Variants in CDH13 observed in about 807,000 individuals in gnomAD.
CDH13 encodes cadherin-13.
In CDH13, 24 loss-of-function variants were observed where a neutral mutation model predicts 63.8. The ratio of observed to expected loss-of-function variants is 0.38; its 90% CI spans 0.27 to 0.53. CDH13 has a LOEUF of 0.53. Among genes scored for constraint, CDH13 ranks in the 20% least tolerant of loss-of-function variants. The probability of loss-of-function intolerance (pLI) is 0.85; values close to 1 mark genes in which losing one functional copy is unlikely to be tolerated. For missense variants in CDH13, 1,049 were observed against 903.1 expected (o/e 1.16, Z -2.07); for synonymous variants, 503 against 355.3 (o/e 1.42, Z -4.67).
At chr16:83,674,541 A>G (rs936523697) in intron 9 of CDH13, among the ~76,000 whole-genome samples, 1 of 152,370 alleles carries the variant, frequency 6.6e-6, no homozygotes, top group African/African-American at 2.4e-5. Flanking sequence ...GAGAAAGTCC[A>G]AATCTGGCCT....
intron 5 of CDH13, among the ~76,000 whole-genome samples, chr16:83,234,694 CATT>C (rs1267875454): frequency 6.6e-6 from 1 of 152,220 alleles, no homozygotes; most frequent in Admixed American, 6.5e-5. Flanking sequence ...GAACAAAACA[CATT>C]TGTAGCCCTA....
At chr16:82,803,507 A>AT (rs933709709) in intron 1 of CDH13, among the ~76,000 whole-genome samples, 2 of 151,974 alleles carry the variant, frequency 1.3e-5, no homozygotes, top group Non-Finnish European at 2.9e-5. Context: ...ATTCCTTACA[A>AT]TTTTTTCTGA....
intron 7 of CDH13, among the ~76,000 whole-genome samples, chr16:83,601,750 G>T (rs1907816738): frequency 6.6e-6 from 1 of 152,124 alleles, no homozygotes; most frequent in Non-Finnish European, 1.5e-5. Flanking sequence ...CTCATTTTCA[G>T]ATCAGCTTCC....
chr16:83,142,877 C>T (rs2036595328), intron 4 of CDH13, among the ~76,000 whole-genome samples: 1 of 152,118 alleles, frequency 6.6e-6, no homozygotes, highest in Non-Finnish European at 1.5e-5. Context: ...CCGAGGCGGG[C>T]AGATCACCTG....
At chr16:83,297,601 T>C (rs1401079250) in intron 5 of CDH13, among the ~76,000 whole-genome samples, 2 of 152,184 alleles carry the variant, frequency 1.3e-5, no homozygotes, top group Admixed American at 1.3e-4. Flanking sequence ...TCAGTGGTCT[T>C]TGTAGTTAGA....
intron 6 of CDH13, among the ~76,000 whole-genome samples, chr16:83,387,130 C>G (rs1271997747): frequency 6.6e-6 from 1 of 152,090 alleles, no homozygotes; most frequent in Non-Finnish European, 1.5e-5. Flanking sequence ...TTAGGTCAAC[C>G]AAGTTACAAT....
Position 83,562,173 on chromosome 16 carries a change from T to C in CDH13, c.961-40281T>C, listed in dbSNP as rs924812144. 2.6e-5 allele frequency among the ~76,000 whole-genome samples: 4 copies of C among 152,308 alleles called. 1 individual carries two copies. Among genetic ancestry groups the C allele is most frequent in the African/African-American group, 4.8e-5 (2 of 41,574 alleles). The stretch of plus-strand genomic sequence containing the variant: ...CTTGTTTTATTTGGAGGCTCTGACA[T>C]AGTGGAACTCTGGGTGCCAAAGGGA... On this transcript the variant is annotated intron_variant, in intron 7 of 13. Transcript: ENST00000567109.
intron 1 of CDH13, among the ~76,000 whole-genome samples, chr16:82,701,461 T>C (rs941434886): frequency 2.6e-5 from 4 of 152,166 alleles, no homozygotes; most frequent in Admixed American, 1.3e-4. Flanking sequence ...AGAAACCTAC[T>C]CCAGACTAGC....
chr16:83,607,549 A>G (rs976462703), intron 8 of CDH13, among the ~76,000 whole-genome samples: 2 of 152,202 alleles, frequency 1.3e-5, no homozygotes, highest in Non-Finnish European at 2.9e-5. Flanking sequence ...GGCACTCAAT[A>G]ACAGAGCATT....
At chr16:83,203,223 T>C (rs1018402931) in intron 4 of CDH13, among the ~76,000 whole-genome samples, 69 of 151,996 alleles carry the variant, frequency 4.5e-4, no homozygotes, top group African/African-American at 1.6e-3. Flanking sequence ...AAACCCCGTC[T>C]CAAAAAACAA....
At chr16:83,761,264 C>T (rs562376277) in intron 11 of CDH13, among the ~76,000 whole-genome samples, 50 of 152,236 alleles carry the variant, frequency 3.3e-4, no homozygotes, top group Non-Finnish European at 5.0e-4. Context: ...TAGAATCGTG[C>T]TTCATAATAA....
chr16:83,496,765 A>C (rs1378234204), intron 7 of CDH13, among the ~76,000 whole-genome samples: 2 of 152,242 alleles, frequency 1.3e-5, no homozygotes, highest in African/African-American at 2.4e-5. Flanking sequence ...TACTCATCTG[A>C]CAAAGGGCTA....
chr16:82,657,648 T>G (rs572094216), intron 1 of CDH13, among the ~76,000 whole-genome samples: 2 of 152,314 alleles, frequency 1.3e-5, no homozygotes, highest in Non-Finnish European at 2.9e-5. Context: ...ATGTACACAG[T>G]TTGCTAGATT....
At chr16:83,283,226 C>G (rs984810152) in intron 5 of CDH13, among the ~76,000 whole-genome samples, 1 of 152,128 alleles carries the variant, frequency 6.6e-6, no homozygotes, top group Non-Finnish European at 1.5e-5. Flanking sequence ...CTGGATGATA[C>G]CAATGGCCAG....
At chr16:82,964,698 G>A (rs888759127) in intron 2 of CDH13, among the ~76,000 whole-genome samples, 1 of 152,182 alleles carries the variant, frequency 6.6e-6, no homozygotes, top group Non-Finnish European at 1.5e-5. Context: ...GTCAGGTGTA[G>A]CCAGTGTAAT....
At chr16:83,521,242 C>T (rs1039709000) in intron 7 of CDH13, among the ~76,000 whole-genome samples, 4 of 152,046 alleles carry the variant, frequency 2.6e-5, no homozygotes, top group African/African-American at 9.7e-5. Context: ...AGGTTTCTTC[C>T]AGCTTTAAGG....
intron 7 of CDH13, among the ~76,000 whole-genome samples, chr16:83,548,392 C>G (rs994239719): frequency 6.6e-5 from 10 of 152,076 alleles, no homozygotes; most frequent in Admixed American, 5.2e-4. Flanking sequence ...AAGGATGTGG[C>G]TAAATATCCT....
intron 1 of CDH13, among the ~76,000 whole-genome samples, chr16:82,673,196 G>T (rs190113997): frequency 1.3e-3 from 191 of 151,926 alleles, no homozygotes; most frequent in African/African-American, 4.5e-3. Context: ...GAAGCCCCGG[G>T]TAGGAATTTG....
intron 6 of CDH13, among the ~76,000 whole-genome samples, chr16:83,447,100 T>TTTTTTTTTTTTTC (rs1313177028): frequency 1.1e-5 from 1 of 87,652 alleles, no homozygotes; most frequent in African/African-American, 6.9e-5. Context: ...AGTAACCTTT[T>TTTTTTTTTTTTTC]TTTTTTTTTT....
Sources: gnomAD v4.1 joint callset for allele counts (sites outside exome capture counted in the v4.1 genomes callset) on GRCh38, gnomAD v4.1.1 for gene constraint, MANE v1.5 for transcripts, NCBI Gene and HGNC (gene_info 2026-07-23, HGNC 2026-07-21) for gene names.